The following DBNL variants were observed in gnomAD, a reference collection of about 807,000 sequenced individuals.
DBNL encodes the protein drebrin-like protein.
DBNL carries 35 observed loss-of-function variants against 62.2 expected under a neutral mutation model. The ratio of observed to expected loss-of-function variants is 0.56; its 90% CI spans 0.43 to 0.75. The LOEUF (loss-of-function observed/expected upper bound fraction) is 0.75, where lower values mean the gene tolerates loss of function less well. Ranked by LOEUF, DBNL falls within the 30% of genes least tolerant of loss-of-function variation. The pLI is 0.00. For synonymous variants in DBNL, 197 were observed against 218.0 expected (o/e 0.90, Z 0.85); for missense variants, 495 against 578.4 (o/e 0.86, Z 1.48).
Position 44,065,812 on chromosome 7 carries a change from T to C in DBNL, c.*4896T>C. The C allele has an allele frequency of 1.9e-6, 1 of 535,950 alleles. No individual in the cohort carries two copies. Among genetic ancestry groups the C allele is most frequent in the Non-Finnish European group, 3.4e-6 (1 of 295,902 alleles). The allele number at this position is 535,950 out of a possible 1,614,324, so 33.2% of individuals were successfully genotyped here. A position where few individuals can be genotyped will look rare whatever the true frequency, so the allele number is the denominator to read the frequency against. ...GCTGGCACCCAGAGCCCAGACTGAG[T>C]GGGGCTGCTGGTCAGGGATGGGCGT... On this transcript the variant is annotated 3_prime_UTR_variant, in exon 13 of 13. Transcript: ENST00000448521.
At chr7:44,045,290 G>A (rs2096115106) in intron 1 of DBNL, among the ~76,000 whole-genome samples, 1 of 152,232 alleles carries the variant, frequency 6.6e-6, no homozygotes, top group South Asian at 2.1e-4. Context: ...TGGCAGCCGG[G>A]CTGTGAATGT....
At position 44,059,048 on chromosome 7, in the gene DBNL, T is replaced by C. The variant is rs537245759; in HGVS notation, c.835+65T>C. The C allele has an allele frequency of 1.7e-5, 26 of 1,552,022 alleles. No individual in the cohort carries two copies. The highest frequency in any genetic ancestry group is 2.1e-5 in the Non-Finnish European group (24 of 1,126,982). ...GGCTGAGGGGGAGCCTGGGGTCCTA[T>C]GTGGGCTCCCCCAAGGCTAGTGACA... On this transcript the variant is annotated intron_variant, in intron 9 of 12. Coordinates refer to ENST00000448521, the MANE Select transcript of DBNL (RefSeq NM_001014436.3). The surrounding 1 kb of genome is among the most constrained non-coding windows in gnomAD (Gnocchi z 4.1).
Position 44,065,231 on chromosome 7 carries a change from T to G in DBNL, c.*4315T>G. On this transcript the variant is annotated 3_prime_UTR_variant, in exon 13 of 13. Coordinates refer to ENST00000448521, the MANE Select transcript of DBNL (RefSeq NM_001014436.3). The stretch of plus-strand genomic sequence containing the variant: ...CCCGTGCTTGGCGGCCGTTTCTGCC[T>G]TGTTGAGGCCTGTGAGGCCCCCGTA... 1 of 1,614,010 alleles carries G rather than the reference T, an allele frequency of 6.2e-7. No individual in the cohort carries two copies. Among genetic ancestry groups the G allele is most frequent in the Non-Finnish European group, 8.5e-7 (1 of 1,180,050 alleles).
intron 1 of DBNL, among the ~76,000 whole-genome samples, chr7:44,046,481 C>T (rs1488633502): frequency 6.6e-6 from 1 of 152,156 alleles, no homozygotes; most frequent in Non-Finnish European, 1.5e-5. Flanking sequence ...TGTCTGCTAC[C>T]ACTCCTGGCC....
At chr7:44,052,629 A>G (rs1707469590) in intron 3 of DBNL, among the ~76,000 whole-genome samples, 1 of 151,606 alleles carries the variant, frequency 6.6e-6, no homozygotes, top group Non-Finnish European at 1.5e-5. Flanking sequence ...AAAAAAAAAG[A>G]AAATTCATGA....
At chr7:44,051,751 C>T (rs749757744) in intron 2 of DBNL, 79 bp from the exon 3 acceptor site, 44 of 1,351,352 alleles carry the variant, frequency 3.3e-5, no homozygotes, top group African/African-American at 8.6e-5. Flanking sequence ...AGAAGCAGCT[C>T]GGCCTCCCTT....
chr7:44,054,785 T>C (rs1348286637), intron 4 of DBNL, among the ~76,000 whole-genome samples: 1 of 152,184 alleles, frequency 6.6e-6, no homozygotes, highest in African/African-American at 2.4e-5. Flanking sequence ...CTTCATTTTC[T>C]CTCCCCCATG....
rs368818828 is a variant in DBNL at position 44,060,798 on chromosome 7, T to C, written c.1175T>C (p.Phe392Ser). ...YQAADDTEIS[F>S]DPENLITGIE... ...GCAGCCGACGACACAGAGATCTCCT[T>C]TGACCCCGAGAACCTCATCACGGGC... is the stretch of plus-strand genomic sequence containing the variant. Residue 392 changes from phenylalanine to serine, a missense_variant, in exon 13 of 13, where the codon TTT becomes TCT. Coordinates refer to ENST00000448521, the MANE Select transcript of DBNL (RefSeq NM_001014436.3). The surrounding 1 kb of genome is among the most constrained non-coding windows in gnomAD (Gnocchi z 6.3). 2 of 1,614,044 alleles carry C rather than the reference T, an allele frequency of 1.2e-6. No homozygotes were observed. Among genetic ancestry groups the C allele is most frequent in the Non-Finnish European group, 1.7e-6 (2 of 1,179,958 alleles).
rs912736971 is a variant in DBNL, at chr7:44,064,698, C to T, written c.*3782C>T. Reference sequence around the variant, plus strand: ...AAAACTAAAAAATGGCTTCTCAGCCCTCCTTTTTCAGTGAATGATGTGGAG... The same window carrying T: ...AAAACTAAAAAATGGCTTCTCAGCCTTCCTTTTTCAGTGAATGATGTGGAG... On this transcript the variant is annotated 3_prime_UTR_variant, in exon 13 of 13. Transcript: ENST00000448521. 1.1e-5 allele frequency: 9 copies of T among 813,984 alleles called. No homozygotes were observed. The African/African-American group carries it at 1.5e-4, about 14-fold the overall frequency. The allele number at this position is 813,984 out of a possible 1,614,324, so 50.4% of individuals were successfully genotyped here.
intron 1 of DBNL, among the ~76,000 whole-genome samples, chr7:44,046,783 T>C (rs1414832771): frequency 2.0e-5 from 3 of 152,240 alleles, no homozygotes; most frequent in African/African-American, 7.2e-5. Flanking sequence ...GTCACTTCCG[T>C]GTCTGTAACT....
rs1054253855 is a variant in DBNL at position 44,049,313 on chromosome 7, C to T, written c.84-912C>T. Among the ~76,000 whole-genome samples the T allele has an allele frequency of 8.5e-5, 13 of 152,280 alleles. No homozygotes were observed. In the East Asian group the frequency reaches 1.2e-3, roughly 14 times the overall value. On this transcript the variant is annotated intron_variant, in intron 1 of 12. Transcript: ENST00000448521. ...CTGGGACTACAGGTGCCTGCTGCCA[C>T]GCCCAGCTGATTTTTTGTATTTTTA...
chr7:44,051,144 C>G (rs565700304), intron 2 of DBNL: 45 of 152,550 alleles, frequency 2.9e-4, no homozygotes, highest in African/African-American at 1.1e-3. Context: ...GAGTGGGGCT[C>G]ATGACTGCCT....
Position 44,061,018 on chromosome 7 carries a change from C to T in DBNL, c.*102C>T, listed in dbSNP as rs537710564. 2 of 1,458,010 alleles carry T rather than the reference C, an allele frequency of 1.4e-6. No homozygotes were observed. The highest frequency in any genetic ancestry group is 2.7e-5 in the South Asian group (2 of 73,322). 90.3% of individuals were successfully genotyped at this position (1,458,010 alleles called of 1,614,324 possible). A position where few individuals can be genotyped will look rare whatever the true frequency, so the allele number is the denominator to read the frequency against. The stretch of plus-strand genomic sequence containing the variant: ...ATTCAGCACTCTTCCAGGAATAGGA[C>T]CCCCAGTGAGGATGAGGCCTCAGGG... On this transcript the variant is annotated 3_prime_UTR_variant, in exon 13 of 13. Coordinates refer to ENST00000448521, the MANE Select transcript of DBNL (RefSeq NM_001014436.3).
In DBNL at chr7:44,051,826, G is replaced by A; in HGVS notation, c.140-4G>A. ...CCCTGACCTTCACTGTGACTCTGCTGCAGAGGGTGGCCTGGAGGAGATGGT... is the reference window on the plus strand; with the variant it reads ...CCCTGACCTTCACTGTGACTCTGCTACAGAGGGTGGCCTGGAGGAGATGGT... On this transcript the variant is annotated splice_region_variant and splice_polypyrimidine_tract_variant and intron_variant, in intron 2 of 12. Coordinates refer to ENST00000448521, the MANE Select transcript of DBNL (RefSeq NM_001014436.3). 2 of 1,614,030 alleles carry A rather than the reference G, an allele frequency of 1.2e-6. No homozygotes were observed. The highest frequency in any genetic ancestry group is 1.7e-6 in the Non-Finnish European group (2 of 1,179,928).
At chr7:44,046,725 A>G (rs1234627338) in intron 1 of DBNL, among the ~76,000 whole-genome samples, 2 of 152,214 alleles carry the variant, frequency 1.3e-5, no homozygotes, top group South Asian at 2.1e-4. Flanking sequence ...TACTCAGCAG[A>G]TACTATGTGG....
rs761425435 is a variant in DBNL at position 44,052,956 on chromosome 7, G to A, written c.327+15G>A. Reference sequence around the variant, plus strand: ...GCTTCCTGAAGGTAAGGCCAGGTGAGGCCCGCTTCACTGGGAACAGGCCTC... The same window carrying A: ...GCTTCCTGAAGGTAAGGCCAGGTGAAGCCCGCTTCACTGGGAACAGGCCTC... On this transcript the variant is annotated intron_variant, in intron 4 of 12. Coordinates refer to ENST00000448521, the MANE Select transcript of DBNL (RefSeq NM_001014436.3). The A allele has an allele frequency of 5.6e-6, 9 of 1,609,742 alleles. No homozygotes were observed. The African/African-American group carries it at 9.3e-5, about 17-fold the overall frequency.
In DBNL at chr7:44,060,029, C is replaced by G. The variant is rs775260547; in HGVS notation, c.1048-19C>G. 6.2e-6 allele frequency: 10 copies of G among 1,609,358 alleles called. No homozygotes were observed. The highest frequency in any genetic ancestry group is 8.5e-6 in the Non-Finnish European group (10 of 1,176,752). On this transcript the variant is annotated intron_variant, in intron 11 of 12. Coordinates refer to ENST00000448521, the MANE Select transcript of DBNL (RefSeq NM_001014436.3). The surrounding 1 kb of genome is among the most constrained non-coding windows in gnomAD (Gnocchi z 6.3). Reference sequence around the variant, plus strand: ...GTAAGGGCTGAGTCTGGGGTAACACCTTTGTCATCCCTGGGCAGGTGCAGC... The same window carrying G: ...GTAAGGGCTGAGTCTGGGGTAACACGTTTGTCATCCCTGGGCAGGTGCAGC...
rs1043274961 is a variant in DBNL, at chr7:44,044,898, G to A, written c.83+78G>A. On this transcript the variant is annotated intron_variant, in intron 1 of 12. Coordinates refer to ENST00000448521, the MANE Select transcript of DBNL (RefSeq NM_001014436.3). ...CTGTCTGGGGCGAGCGGGGGACTCG[G>A]GGGGAGCGGGAGCGCGAGCGCGGAG... The A allele has an allele frequency of 6.8e-6, 9 of 1,322,942 alleles. No individual in the cohort carries two copies. The African/African-American group carries it at 1.1e-4, about 16-fold the overall frequency. The allele number at this position is 1,322,942 out of a possible 1,614,324, so 82.0% of individuals were successfully genotyped here.
rs1323537916 is a variant in DBNL, at chr7:44,068,481, CA to C, written c.*7566del. 1.4e-4 allele frequency: 21 copies of C among 152,310 alleles called. No individual in the cohort carries two copies. Among genetic ancestry groups the C allele is most frequent in the African/African-American group, 4.8e-4 (20 of 41,568 alleles). 9.4% of individuals were successfully genotyped at this position (152,310 alleles called of 1,614,324 possible). A position where few individuals can be genotyped will look rare whatever the true frequency, so the allele number is the denominator to read the frequency against. The stretch of plus-strand genomic sequence containing the variant: ...TGACTAGTAGTGCAAACACTTTAAA[CA>C]GTCAACATTCTGCTTAGGATTTAAA... On this transcript the variant is annotated 3_prime_UTR_variant, in exon 13 of 13. Transcript: ENST00000448521.
Sources: allele counts gnomAD v4.1 joint callset (sites outside exome capture counted in the v4.1 genomes callset), GRCh38; gene constraint gnomAD v4.1.1; non-coding constraint Gnocchi (gnomAD v3.1); transcripts MANE v1.5; gene names NCBI Gene and HGNC (gene_info 2026-07-23, HGNC 2026-07-21).